PTPRT: variants seen among roughly 807,000 people sequenced by gnomAD.
The protein encoded by PTPRT is receptor-type tyrosine-protein phosphatase T.
Under a neutral mutation model 176.8 loss-of-function variants are expected in PTPRT, and 56 were observed. That is an observed-to-expected ratio of 0.32 (90% CI 0.26 to 0.40). PTPRT has a LOEUF of 0.40. Ranked by LOEUF, PTPRT falls within the 10% of genes least tolerant of loss-of-function variation. PTPRT has a pLI of 1.00. For missense variants in PTPRT, 1,540 were observed against 1,908.2 expected (o/e 0.81, Z 3.60); for synonymous variants, 783 against 739.0 (o/e 1.06, Z -0.96).
intron 17 of PTPRT, among the ~76,000 whole-genome samples, chr20:42,154,388 T>G (rs1363375522): frequency 2.0e-5 from 3 of 152,176 alleles, no homozygotes; most frequent in African/African-American, 7.2e-5. Context: ...AAAAGCTGCC[T>G]GCCTGCCATC....
intron 6 of PTPRT, among the ~76,000 whole-genome samples, chr20:42,678,969 C>CTGGGAT (rs2075556192): frequency 6.6e-6 from 1 of 152,204 alleles, no homozygotes; most frequent in Non-Finnish European, 1.5e-5. Context: ...AAGAATTCAG[C>CTGGGAT]TTCTGCCTCA....
chr20:42,299,971 C>T (rs1313732953), intron 12 of PTPRT, among the ~76,000 whole-genome samples: 1 of 151,022 alleles, frequency 6.6e-6, no homozygotes, highest in Admixed American at 6.6e-5. Context: ...TGATAGATAG[C>T]TAAAGGCTGG....
Position 42,633,816 on chromosome 20 carries a change from T to A in PTPRT, c.1153+44050A>T, listed in dbSNP as rs1248805199. Among the ~76,000 whole-genome samples the A allele has an allele frequency of 1.1e-4, 7 of 64,084 alleles. No individual in the cohort carries two copies. The South Asian group carries it at 2.0e-3, about 18-fold the overall frequency. 42.0% of individuals were successfully genotyped at this position (64,084 alleles called of 152,430 possible). A position where few individuals can be genotyped will look rare whatever the true frequency, so the allele number is the denominator to read the frequency against. On this transcript the variant is annotated intron_variant, in intron 7 of 30. Coordinates refer to ENST00000373187, the MANE Select transcript of PTPRT (RefSeq NM_007050.6). ...ATATATATATATATATATATATATA[T>A]ATAATAAAATATTAATATATTATAA... is the stretch of plus-strand genomic sequence containing the variant.
chr20:42,907,195 G>A (rs1486150552), intron 1 of PTPRT, among the ~76,000 whole-genome samples: 3 of 152,142 alleles, frequency 2.0e-5, no homozygotes, highest in Non-Finnish European at 2.9e-5. Flanking sequence ...GAAAGAACCC[G>A]AAGAACGCTT....
intron 6 of PTPRT, among the ~76,000 whole-genome samples, chr20:42,743,642 C>G (rs541345703): frequency 6.6e-6 from 1 of 152,290 alleles, no homozygotes; most frequent in African/African-American, 2.4e-5. Context: ...AGAATGAAGG[C>G]CACATCTCTT....
rs1235150530 is a variant in PTPRT at position 42,248,678 on chromosome 20, G to A, written c.2312+9C>T. ...CAGCAGAGTCTTGCAGGCAGCAGCA[G>A]AGACTCACCTCCTTTTGATGGTGAG... On this transcript the variant is annotated intron_variant, in intron 14 of 30. Transcript: ENST00000373187. The A allele has an allele frequency of 1.2e-6, 2 of 1,613,512 alleles. No individual in the cohort carries two copies. The highest frequency in any genetic ancestry group is 1.7e-6 in the Non-Finnish European group (2 of 1,179,724).
At chr20:42,998,823 G>C (rs967905251) in intron 1 of PTPRT, among the ~76,000 whole-genome samples, 2 of 152,204 alleles carry the variant, frequency 1.3e-5, no homozygotes, top group Non-Finnish European at 2.9e-5. Context: ...CTTGCCCACT[G>C]TCATATGGTT....
chr20:43,108,240 G>A (rs1600718882), intron 1 of PTPRT, among the ~76,000 whole-genome samples: 1 of 152,150 alleles, frequency 6.6e-6, no homozygotes, highest in South Asian at 2.1e-4. Context: ...CTAGTTTTGA[G>A]GATGTTCCCT....
intron 1 of PTPRT, among the ~76,000 whole-genome samples, chr20:43,041,766 T>C (rs1337475572): frequency 6.6e-6 from 1 of 152,248 alleles, no homozygotes; most frequent in Non-Finnish European, 1.5e-5. Flanking sequence ...CACTAGCTTT[T>C]TTTGTAAATA....
chr20:42,363,517 T>A (rs1260137889), intron 9 of PTPRT, among the ~76,000 whole-genome samples: 1 of 150,156 alleles, frequency 6.7e-6, no homozygotes, highest in African/African-American at 2.5e-5. Flanking sequence ...TCCATGTTGG[T>A]CAGGCTGGTT....
chr20:42,888,586 C>T (rs2079140991), intron 1 of PTPRT, among the ~76,000 whole-genome samples: 2 of 152,208 alleles, frequency 1.3e-5, no homozygotes, highest in Admixed American at 1.3e-4. Context: ...GGCAGCATAG[C>T]TGTAGAGCCC....
intron 7 of PTPRT, among the ~76,000 whole-genome samples, chr20:42,534,432 G>A (rs919634323): frequency 1.3e-5 from 2 of 152,088 alleles, no homozygotes; most frequent in African/African-American, 4.8e-5. Context: ...AAGAGATCGA[G>A]ATCATCCTGG....
At chr20:42,232,813 CAAAA>C (rs5841454) in intron 15 of PTPRT, among the ~76,000 whole-genome samples, 2 of 63,238 alleles carry the variant, frequency 3.2e-5, no homozygotes, top group African/African-American at 9.7e-5. Context: ...CTCTGTTTTA[CAAAA>C]AAAAAAAAAA....
intron 7 of PTPRT, among the ~76,000 whole-genome samples, chr20:42,617,289 C>T (rs1232825488): frequency 3.3e-4 from 44 of 133,358 alleles, no homozygotes; most frequent in African/African-American, 6.1e-4. Context: ...GGGATGAAGC[C>T]TACTTGATCA....
At chr20:42,069,419 T>C (rs1331115901), downstream of PTPRT, among the ~76,000 whole-genome samples, 1 of 152,218 alleles carries the variant, frequency 6.6e-6, no homozygotes, top group Non-Finnish European at 1.5e-5. Context: ...TGTGTTCCCC[T>C]TTTGTGGGAG....
chr20:42,211,501 C>T (rs1460503347), intron 15 of PTPRT, among the ~76,000 whole-genome samples: 2,025 of 150,514 alleles, frequency 0.013, 38 homozygotes, highest in African/African-American at 0.047. Flanking sequence ...TGAACAGACA[C>T]TTCTCAAAAG....
intron 1 of PTPRT, among the ~76,000 whole-genome samples, chr20:43,017,256 T>G (rs1434384599): frequency 6.6e-6 from 1 of 152,146 alleles, no homozygotes; most frequent in Non-Finnish European, 1.5e-5. Context: ...ATTAAAATAT[T>G]ACTGATCTCG....
At chr20:42,997,159 A>G (rs1002333878) in intron 1 of PTPRT, among the ~76,000 whole-genome samples, 1 of 152,140 alleles carries the variant, frequency 6.6e-6, no homozygotes, top group African/African-American at 2.4e-5. Context: ...AAAGATGACT[A>G]CAACAGTATC....
chr20:42,708,091 G>A (rs1158333808), intron 6 of PTPRT, among the ~76,000 whole-genome samples: 1 of 152,074 alleles, frequency 6.6e-6, no homozygotes, highest in Admixed American at 6.5e-5. Flanking sequence ...CAAAATATGT[G>A]TAATATAGCA....
Sources: gnomAD v4.1 joint callset for allele counts (sites outside exome capture counted in the v4.1 genomes callset) on GRCh38, gnomAD v4.1.1 for gene constraint, MANE v1.5 for transcripts, NCBI Gene and HGNC (gene_info 2026-07-23, HGNC 2026-07-21) for gene names.